Variants in FAM13A observed in about 807,000 individuals in gnomAD.
FAM13A encodes family with sequence similarity 13 member A.
FAM13A carries 76 observed loss-of-function variants against 129.6 expected under a neutral mutation model. The ratio of observed to expected loss-of-function variants is 0.59; its 90% CI spans 0.49 to 0.71. FAM13A has a LOEUF of 0.71. Ranked by LOEUF, FAM13A falls within the 30% of genes least tolerant of loss-of-function variation. FAM13A has a pLI of 0.00. For synonymous variants in FAM13A, 443 were observed against 449.9 expected, an observed-to-expected ratio of 0.98 and a Z score of 0.20; for missense variants, 1,108 against 1,249.3, an observed-to-expected ratio of 0.89 and a Z score of 1.70.
At chr4:88,972,287 G>C (rs1276002985) in intron 4 of FAM13A, among the ~76,000 whole-genome samples, 1 of 130,820 alleles carries the variant, frequency 7.6e-6, no homozygotes, top group Non-Finnish European at 1.6e-5. Context: ...AAAAGTTTCT[G>C]CTTCTCCTTC....
At chr4:89,021,490 G>A (rs2149110375) in intron 2 of FAM13A, among the ~76,000 whole-genome samples, 1 of 152,268 alleles carries the variant, frequency 6.6e-6, no homozygotes, top group East Asian at 1.9e-4. Context: ...AATATGAATT[G>A]AGAAGTAGAC....
intron 5 of FAM13A, 27 bp downstream of exon 5, chr4:88,938,061 C>T (rs760701204): frequency 1.0e-5 from 16 of 1,585,156 alleles, no homozygotes; most frequent in East Asian, 6.7e-5. Flanking sequence ...TATAGCAATA[C>T]TGAAAATTAA....
intron 12 of FAM13A, among the ~76,000 whole-genome samples, 164 bp from the exon 13 acceptor site, chr4:88,767,759 C>A: frequency 6.6e-6 from 1 of 152,014 alleles, no homozygotes; most frequent in East Asian, 1.9e-4. Flanking sequence ...TTAATCAAAA[C>A]AAAGCAAACT....
intron 15 of FAM13A, among the ~76,000 whole-genome samples, chr4:88,750,126 A>G (rs1742257071): frequency 1.3e-5 from 2 of 152,180 alleles, no homozygotes; most frequent in African/African-American, 4.8e-5. Flanking sequence ...TCTAGCTCAC[A>G]TTTATAATTA....
intron 4 of FAM13A, 26 bp from the exon 5 acceptor site, chr4:88,938,267 G>C (rs374867258): frequency 5.3e-5 from 83 of 1,576,508 alleles, no homozygotes; most frequent in Non-Finnish European, 6.8e-5. Context: ...GGAAAGAGAG[G>C]AATTACTTAG....
chr4:89,008,485 G>C (rs1351287629), intron 3 of FAM13A, among the ~76,000 whole-genome samples: 1 of 152,194 alleles, frequency 6.6e-6, no homozygotes. Flanking sequence ...TGGACTTCCA[G>C]CCACCAGAAC....
At chr4:88,731,234 G>C in intron 23 of FAM13A, 93 bp downstream of exon 23, 1 of 673,586 alleles carries the variant, frequency 1.5e-6, no homozygotes, top group East Asian at 2.8e-5. Context: ...TCCCCCCTTT[G>C]AAGGCATTCC....
intron 14 of FAM13A, among the ~76,000 whole-genome samples, chr4:88,757,505 G>A (rs1447681527): frequency 2.6e-5 from 4 of 152,074 alleles, no homozygotes. Flanking sequence ...TTATTTCACA[G>A]TACTCAAAAA....
chr4:89,002,786 G>A lies in FAM13A; in HGVS notation c.428-11636C>T, dbSNP rs537343708. ...GAAAAGAAGAAAACTTAAGTACAAC[G>A]TAACAACAAACCATTGTTAGTATCC... On this transcript the variant is annotated intron_variant, in intron 3 of 23. Transcript: ENST00000264344. 7.9e-5 allele frequency among the ~76,000 whole-genome samples: 12 copies of A among 152,204 alleles called. No individual in the cohort carries two copies. The East Asian group carries it at 1.9e-3, about 24-fold the overall frequency.
At chr4:88,899,349 G>A (rs1372350140) in intron 6 of FAM13A, among the ~76,000 whole-genome samples, 2 of 151,986 alleles carry the variant, frequency 1.3e-5, no homozygotes, top group Non-Finnish European at 2.9e-5. Flanking sequence ...GTGGGAAGGA[G>A]TTGAGGGATA....
chr4:88,739,836 T>C (rs1353689394), intron 19 of FAM13A, among the ~76,000 whole-genome samples: 3 of 151,718 alleles, frequency 2.0e-5, no homozygotes. Context: ...TTTACTTGTC[T>C]TTCTCCTCTA....
At chr4:88,988,295 C>T (rs913635227) in intron 4 of FAM13A, among the ~76,000 whole-genome samples, 1 of 152,064 alleles carries the variant, frequency 6.6e-6, no homozygotes, top group African/African-American at 2.4e-5. Flanking sequence ...GCCTAACAAC[C>T]AAGTAGAATG....
intron 6 of FAM13A, among the ~76,000 whole-genome samples, chr4:88,896,363 A>G (rs1029116317): frequency 6.6e-6 from 1 of 152,144 alleles, no homozygotes; most frequent in East Asian, 1.9e-4. Context: ...TGGCACACGT[A>G]TACATATGTA....
intron 7 of FAM13A, among the ~76,000 whole-genome samples, chr4:88,847,090 C>T (rs949734019): frequency 3.3e-5 from 5 of 152,186 alleles, no homozygotes; most frequent in Non-Finnish European, 5.9e-5. Flanking sequence ...GTAAACATCT[C>T]TTCACAGATA....
chr4:88,955,800 GA>G (rs1469743420), intron 4 of FAM13A, among the ~76,000 whole-genome samples: 1 of 152,046 alleles, frequency 6.6e-6, no homozygotes, highest in Non-Finnish European at 1.5e-5. Flanking sequence ...GTGGAGCTTT[GA>G]ACTTGAGAGA....
rs964022709 is a variant in FAM13A, at chr4:88,816,937, T to C, written c.1008-11885A>G. Among the ~76,000 whole-genome samples, 8 of 152,196 alleles carry C rather than the reference T, an allele frequency of 5.3e-5. No homozygotes were observed. The East Asian group carries it at 7.7e-4, about 15-fold the overall frequency. On this transcript the variant is annotated intron_variant, in intron 7 of 23. Transcript: ENST00000264344. ...CAAAAGTTACTTTTGCATATGTTAA[T>C]AGCAGCATTATTCATAACAGCCAAA...
At chr4:89,039,535 G>C (rs948560821) in intron 1 of FAM13A, among the ~76,000 whole-genome samples, 1 of 152,144 alleles carries the variant, frequency 6.6e-6, no homozygotes, top group Non-Finnish European at 1.5e-5. Context: ...AATTATGTGG[G>C]AACTTTGTAC....
chr4:88,895,666 A>G (rs1290100560), intron 6 of FAM13A, among the ~76,000 whole-genome samples: 4 of 136,992 alleles, frequency 2.9e-5, no homozygotes, highest in African/African-American at 1.1e-4. Context: ...AACACATGAA[A>G]AAATGCTCAT....
chr4:88,789,687 T>C (rs1215807820), intron 9 of FAM13A, among the ~76,000 whole-genome samples: 1 of 152,152 alleles, frequency 6.6e-6, no homozygotes, highest in Non-Finnish European at 1.5e-5. Context: ...TAGGGCAAGA[T>C]AGATAATAAA....
Sources: allele counts gnomAD v4.1 joint callset (sites outside exome capture counted in the v4.1 genomes callset), GRCh38; gene constraint gnomAD v4.1.1; transcripts MANE v1.5; gene names NCBI Gene and HGNC (gene_info 2026-07-23, HGNC 2026-07-21).